The following ADAMTS2 variants were observed in gnomAD, a reference collection of about 807,000 sequenced individuals.
ADAMTS2 encodes the protein A disintegrin and metalloproteinase with thrombospondin motifs 2.
A neutral mutation model predicts 123.0 loss-of-function variants in ADAMTS2; 50 were observed. The observed-to-expected ratio is 0.41, with a 90% CI of 0.32 to 0.51. ADAMTS2 has a LOEUF of 0.51. ADAMTS2 is among the 20% of genes least tolerant of loss of function. ADAMTS2 has a pLI of 0.35. For missense variants in ADAMTS2, 1,494 were observed against 1,705.2 expected, an observed-to-expected ratio of 0.88 and a Z score of 2.18; for synonymous variants, 678 against 695.4, an observed-to-expected ratio of 0.98 and a Z score of 0.39.
intron 11 of ADAMTS2, among the ~76,000 whole-genome samples, chr5:179,139,567 G>A (rs908049361): frequency 2.0e-5 from 3 of 152,076 alleles, no homozygotes; most frequent in African/African-American, 7.2e-5. Context: ...GACCACCCCC[G>A]CTTACCCCCA....
intron 10 of ADAMTS2, among the ~76,000 whole-genome samples, chr5:179,148,031 C>T (rs1298927681): frequency 6.6e-6 from 1 of 152,154 alleles, no homozygotes; most frequent in South Asian, 2.1e-4. Context: ...CATGGTAAAT[C>T]GACTTCTGCT....
intron 3 of ADAMTS2, among the ~76,000 whole-genome samples, chr5:179,245,962 C>T (rs1208870081): frequency 6.6e-6 from 1 of 152,044 alleles, no homozygotes; most frequent in East Asian, 1.9e-4. Flanking sequence ...AATTCTGCCC[C>T]TCCACAAAAA....
chr5:179,139,734 T>A (rs1212253724), intron 11 of ADAMTS2, among the ~76,000 whole-genome samples, 156 bp downstream of exon 11: 1 of 152,032 alleles, frequency 6.6e-6, no homozygotes, highest in Non-Finnish European at 1.5e-5. Context: ...CGTCACCCCC[T>A]CCCAGGTAGG....
chr5:179,111,271 C>T lies in ADAMTS2; in HGVS notation c.*2596G>A, dbSNP rs889259829. The T allele has an allele frequency of 3.3e-5, 5 of 152,182 alleles. No individual in the cohort carries two copies. The highest frequency in any genetic ancestry group is 2.1e-4 in the South Asian group (1 of 4,828). 9.4% of individuals were successfully genotyped at this position (152,182 alleles called of 1,614,324 possible). ...AGCGGAAGGTCTGAGTCTCATCATG[C>T]GGTTAGAAACTCAGCTAGAAGACAT... On this transcript the variant is annotated 3_prime_UTR_variant, in exon 22 of 22. Coordinates refer to ENST00000251582, the MANE Select transcript of ADAMTS2 (RefSeq NM_014244.5).
chr5:179,195,930 CTT>C (rs1764419321), intron 4 of ADAMTS2, among the ~76,000 whole-genome samples: 1 of 152,230 alleles, frequency 6.6e-6, no homozygotes. Context: ...ATGTTCTTCT[CTT>C]TCCCAGGAAC....
chr5:179,289,553 A>G (rs1756128225), intron 2 of ADAMTS2, among the ~76,000 whole-genome samples: 1 of 152,220 alleles, frequency 6.6e-6, no homozygotes, highest in Admixed American at 6.5e-5. Flanking sequence ...ACATCACGTC[A>G]CAGCAGCTAC....
At chr5:179,324,586 T>C (rs912228827) in intron 2 of ADAMTS2, among the ~76,000 whole-genome samples, 1 of 152,166 alleles carries the variant, frequency 6.6e-6, no homozygotes, top group African/African-American at 2.4e-5. Flanking sequence ...AGGCAGGGTT[T>C]CACCATGTTG....
At chr5:179,243,670 G>A (rs959924282) in intron 3 of ADAMTS2, among the ~76,000 whole-genome samples, 1 of 152,116 alleles carries the variant, frequency 6.6e-6, no homozygotes, top group Non-Finnish European at 1.5e-5. Context: ...AAAAAAAGGC[G>A]GCAACAGACA....
chr5:179,274,849 A>C (rs1766652380), intron 2 of ADAMTS2, among the ~76,000 whole-genome samples: 1 of 152,234 alleles, frequency 6.6e-6, no homozygotes, highest in South Asian at 2.1e-4. Context: ...GGAGGAACAC[A>C]GAGCCCAGCA....
intron 3 of ADAMTS2, among the ~76,000 whole-genome samples, chr5:179,258,000 C>T (rs763372923): frequency 3.9e-5 from 6 of 152,194 alleles, no homozygotes; most frequent in Admixed American, 6.5e-5. Flanking sequence ...TCTCTGCTGG[C>T]GTCACCTGCC....
At position 179,344,019 on chromosome 5, in the gene ADAMTS2, G is replaced by T. The variant is rs772074074; in HGVS notation, c.282C>A (p.Thr94=). Residue 94 remains threonine, a synonymous_variant, in exon 2 of 22, where the codon ACC becomes ACA. Coordinates refer to ENST00000251582, the MANE Select transcript of ADAMTS2 (RefSeq NM_014244.5). ...VRARRAAPVR[T]PSFPGGNEEE... ...CCTCGTTGCCTCCGGGGAAGCTCGGGGTCCGGACCGGGGCGGCCCTGCGGG... is the reference window on the plus strand; with the variant it reads ...CCTCGTTGCCTCCGGGGAAGCTCGGTGTCCGGACCGGGGCGGCCCTGCGGG... The T allele has an allele frequency of 1.1e-5, 17 of 1,612,654 alleles. No individual in the cohort carries two copies. The highest frequency in any genetic ancestry group is 1.4e-5 in the Non-Finnish European group (16 of 1,179,868).
chr5:179,220,216 G>T (rs1211923867), intron 3 of ADAMTS2, among the ~76,000 whole-genome samples: 3 of 152,168 alleles, frequency 2.0e-5, no homozygotes, highest in Non-Finnish European at 4.4e-5. Flanking sequence ...ACAAAACGAA[G>T]ATCCCCACGG....
At chr5:179,190,538 A>T (rs1222112982) in intron 4 of ADAMTS2, among the ~76,000 whole-genome samples, 1 of 152,166 alleles carries the variant, frequency 6.6e-6, no homozygotes, top group Non-Finnish European at 1.5e-5. Flanking sequence ...GGTTCAGCAT[A>T]ATTATTTGCT....
chr5:179,278,693 C>T (rs1007914780), intron 2 of ADAMTS2, among the ~76,000 whole-genome samples: 5 of 151,976 alleles, frequency 3.3e-5, no homozygotes, highest in African/African-American at 1.2e-4. Context: ...CAGCCAGGTT[C>T]TCCCCTGGGG....
chr5:179,252,547 A>AT (rs377518396), intron 3 of ADAMTS2, among the ~76,000 whole-genome samples: 66 of 151,874 alleles, frequency 4.3e-4, no homozygotes, highest in African/African-American at 1.1e-3. Flanking sequence ...ATTTAAAAGT[A>AT]TTTTTTTTAA....
Position 179,256,399 on chromosome 5 carries a change from A to G in ADAMTS2, c.688+16512T>C, listed in dbSNP as rs1168061599. Among the ~76,000 whole-genome samples, 2 of 151,962 alleles carry G rather than the reference A, an allele frequency of 1.3e-5. No homozygotes were observed. Among genetic ancestry groups the G allele is most frequent in the African/African-American group, 4.8e-5 (2 of 41,358 alleles). ...CAGGACTCATCCAGAGACAGGACAG[A>G]CCCTGGGCTCCTGGTGCCCAGCTCA... On this transcript the variant is annotated intron_variant, in intron 3 of 21. Coordinates refer to ENST00000251582, the MANE Select transcript of ADAMTS2 (RefSeq NM_014244.5). This position sits in a 1 kb window ranked among gnomAD's most constrained non-coding sequence, Gnocchi z 4.1.
At chr5:179,194,650 C>G (rs1764379656) in intron 4 of ADAMTS2, among the ~76,000 whole-genome samples, 1 of 152,030 alleles carries the variant, frequency 6.6e-6, no homozygotes, top group Non-Finnish European at 1.5e-5. Context: ...ACAGGGGCCA[C>G]CTTCCCACAG....
chr5:179,129,423 C>T lies in ADAMTS2; in HGVS notation c.2457+509G>A, dbSNP rs555159718. ...AATATATCCCTATGCAGTTAAATTA[C>T]ATTTTAAAAAGTGATCTGACCTCCT... On this transcript the variant is annotated intron_variant, in intron 16 of 21. Transcript: ENST00000251582. The surrounding 1 kb of genome is among the most constrained non-coding windows in gnomAD (Gnocchi z 4.1). Among the ~76,000 whole-genome samples, 1 of 152,308 alleles carries T rather than the reference C, an allele frequency of 6.6e-6. No individual in the cohort carries two copies. Among genetic ancestry groups the T allele is most frequent in the Non-Finnish European group, 1.5e-5 (1 of 68,024 alleles).
At position 179,314,183 on chromosome 5, in the gene ADAMTS2, AGGGCCAGGACTGGCATTTCCC is replaced by A. The variant is rs1404007657; in HGVS notation, c.534+29563_534+29583del. 2.0e-5 allele frequency among the ~76,000 whole-genome samples: 3 copies of A among 152,240 alleles called. No individual in the cohort carries two copies. Among genetic ancestry groups the A allele is most frequent in the Admixed American group, 6.5e-5 (1 of 15,286 alleles). On this transcript the variant is annotated intron_variant, in intron 2 of 21. Transcript: ENST00000251582. The surrounding 1 kb of genome is among the most constrained non-coding windows in gnomAD (Gnocchi z 4.5). ...GGGAGCACACAGACCGGCCAGGGCC[AGGGCCAGGACTGGCATTTCCC>A]GGGCTCCTGGTCCCATCCTGCCCCT...
Sources: gnomAD v4.1 joint callset for allele counts (sites outside exome capture counted in the v4.1 genomes callset) on GRCh38, gnomAD v4.1.1 for gene constraint, Gnocchi (gnomAD v3.1) non-coding constraint, MANE v1.5 for transcripts, NCBI Gene and HGNC (gene_info 2026-07-23, HGNC 2026-07-21) for gene names.